The following SHROOM2 variants were observed in gnomAD, a reference collection of about 807,000 sequenced individuals.
SHROOM2 encodes protein Shroom2.
A neutral mutation model predicts 75.9 loss-of-function variants in SHROOM2; 33 were observed. That is an observed-to-expected ratio of 0.43 (90% CI 0.33 to 0.58). The LOEUF is 0.58. Among genes scored for constraint, SHROOM2 ranks in the 20% least tolerant of loss-of-function variants. The pLI is 0.04. For missense variants in SHROOM2, 1,434 were observed against 1,461.2 expected (o/e 0.98, Z 0.30); for synonymous variants, 655 against 663.6 (o/e 0.99, Z 0.20).
Position 9,936,570 on chromosome X carries a change from G to A in SHROOM2, c.3588-564G>A, listed in dbSNP as rs1490588372. ...GGGGGTACAAGGACAGTGTTGGGTG[G>A]GCTGTCCTGCATATGGCACAGGAGG... On this transcript the variant is annotated intron_variant, in intron 6 of 9. Coordinates refer to ENST00000380913, the MANE Select transcript of SHROOM2 (RefSeq NM_001649.4). Among the ~76,000 whole-genome samples, 3 of 111,767 alleles carry A rather than the reference G, an allele frequency of 2.7e-5. No homozygotes were observed. The Admixed American group carries it at 2.8e-4, about 11-fold the overall frequency.
chrX:9,935,334 A>G (rs866479850), intron 6 of SHROOM2, among the ~76,000 whole-genome samples: 2 of 96,873 alleles, frequency 2.1e-5, no homozygotes, highest in African/African-American at 8.6e-5. Context: ...TATTATTATT[A>G]TTTATTATTA....
At chrX:9,936,467 A>C (rs752244945) in intron 6 of SHROOM2, among the ~76,000 whole-genome samples, 1 of 111,829 alleles carries the variant, frequency 8.9e-6, no homozygotes, top group East Asian at 2.8e-4. Context: ...TACAGAACCG[A>C]TGACTCGCTG....
chrX:9,918,387 A>G (rs1401289196), intron 5 of SHROOM2, among the ~76,000 whole-genome samples: 1 of 112,509 alleles, frequency 8.9e-6, no homozygotes, highest in Non-Finnish European at 1.9e-5. Context: ...GTCCAACGTC[A>G]AGGTGCTGGC....
chrX:9,872,009 C>G (rs2084173580), intron 1 of SHROOM2, among the ~76,000 whole-genome samples: 1 of 112,291 alleles, frequency 8.9e-6, no homozygotes, highest in African/African-American at 3.2e-5. Flanking sequence ...TGGTGTAAAA[C>G]AGTTGGCAAA....
chrX:9,935,390 G>C (rs2084693048), intron 6 of SHROOM2, among the ~76,000 whole-genome samples: 1 of 108,931 alleles, frequency 9.2e-6, no homozygotes, highest in Non-Finnish European at 1.9e-5. Flanking sequence ...GTGTTACCTA[G>C]GCTGGTCTCA....
At chrX:9,926,033 C>T (rs1425214596) in intron 5 of SHROOM2, among the ~76,000 whole-genome samples, 1 of 111,820 alleles carries the variant, frequency 8.9e-6, no homozygotes, top group East Asian at 2.8e-4. Context: ...TCTGCCCCAT[C>T]ACAGACTGAC....
chrX:9,927,356 CAAAAAAAA>C (rs56344026), intron 5 of SHROOM2, among the ~76,000 whole-genome samples: 5 of 24,376 alleles, frequency 2.1e-4, no homozygotes, highest in African/African-American at 3.3e-4. Context: ...TCTCTGTCTC[CAAAAAAAA>C]AAAAAAAAAA....
intron 2 of SHROOM2, among the ~76,000 whole-genome samples, chrX:9,879,862 G>A (rs764425094): frequency 8.0e-5 from 9 of 112,258 alleles, no homozygotes; most frequent in Non-Finnish European, 1.7e-4. Context: ...TGAGAAGTTA[G>A]CATTAGCCTT....
chrX:9,837,720 A>T (rs1441418602), intron 1 of SHROOM2, among the ~76,000 whole-genome samples: 1 of 111,357 alleles, frequency 9.0e-6, no homozygotes, highest in Non-Finnish European at 1.9e-5. Flanking sequence ...TGTACTGGGG[A>T]TGTCGCCTCA....
chrX:9,937,716 T>A, intron 7 of SHROOM2, 31 bp downstream of exon 7: 1 of 1,083,458 alleles, frequency 9.2e-7, no homozygotes, highest in Non-Finnish European at 1.2e-6. Flanking sequence ...AGCTTGGGCG[T>A]GACTCTGCCT....
intron 5 of SHROOM2, among the ~76,000 whole-genome samples, chrX:9,926,778 G>A (rs1369138017): frequency 9.1e-6 from 1 of 110,406 alleles, no homozygotes. Context: ...TTACCTTCAG[G>A]CTATCTATAT....
intron 5 of SHROOM2, among the ~76,000 whole-genome samples, chrX:9,928,319 A>C (rs1378538119): frequency 8.9e-6 from 1 of 112,470 alleles, no homozygotes; most frequent in African/African-American, 3.2e-5. Flanking sequence ...ATGAACACCA[A>C]CCAAGGCTGA....
At chrX:9,859,667 G>T (rs1023868908) in intron 1 of SHROOM2, among the ~76,000 whole-genome samples, 1 of 111,807 alleles carries the variant, frequency 8.9e-6, no homozygotes, top group Admixed American at 9.5e-5. Context: ...ACAAAGCTCT[G>T]CAGGCAAGAA....
chrX:9,815,432 TTATGTGTGTGTGTG>T (rs1459323953), intron 1 of SHROOM2, among the ~76,000 whole-genome samples: 3 of 48,382 alleles, frequency 6.2e-5, no homozygotes, highest in African/African-American at 1.5e-4. Flanking sequence ...GATATACATA[TTATGTGTGTGTGTG>T]TGTGTGTGTG....
chrX:9,855,842 G>C (rs1034563492), intron 1 of SHROOM2, among the ~76,000 whole-genome samples: 5 of 111,025 alleles, frequency 4.5e-5, no homozygotes, highest in African/African-American at 1.3e-4. Flanking sequence ...ACTAATTCGG[G>C]TTTTAACTTG....
intron 8 of SHROOM2, among the ~76,000 whole-genome samples, chrX:9,941,059 C>G (rs1267190606): frequency 8.9e-6 from 1 of 112,211 alleles, no homozygotes; most frequent in Non-Finnish European, 1.9e-5. Flanking sequence ...GGACTCTGCC[C>G]AGAAAAGAGG....
Position 9,937,206 on chromosome X carries a change from G to C in SHROOM2, c.3660G>C (p.Gln1220His), listed in dbSNP as rs762734479. The change falls in exon 7 of 10, where the codon CAG (glutamine) becomes CAC (histidine). Residue 1220 changes from glutamine (Q) to histidine (H), a missense_variant. Around this residue, in one of 3 missense-constraint regions of SHROOM2, gnomAD observed 1,340 missense variants for 1,338.3 expected, o/e 1.00. Coordinates refer to ENST00000380913, the MANE Select transcript of SHROOM2 (RefSeq NM_001649.4). ...TCAAGATCGTGCACTCGGAGAGCCA[G>C]CCAGAGAAGGAGAGCCGCCAGAGCC... The part of the protein sequence containing the change: ...VPIKIVHSES[Q>H]PEKESRQSLA... The C allele has an allele frequency of 3.3e-6, 4 of 1,204,180 alleles. No individual in the cohort carries two copies. The African/African-American group carries it at 7.0e-5, about 21-fold the overall frequency.
chrX:9,937,035 G>C, intron 6 of SHROOM2, 99 bp from the exon 7 acceptor site: 1 of 893,443 alleles, frequency 1.1e-6, no homozygotes, highest in South Asian at 2.6e-5. Flanking sequence ...TAGTGCCTTT[G>C]AGTCAGGTTC....
chrX:9,856,766 G>A (rs182530751), intron 1 of SHROOM2, among the ~76,000 whole-genome samples: 1 of 111,842 alleles, frequency 8.9e-6, no homozygotes, highest in African/African-American at 3.2e-5. Flanking sequence ...GCATCCCCAC[G>A]CATCCTGTCT....
Sources: allele counts gnomAD v4.1 joint callset (sites outside exome capture counted in the v4.1 genomes callset), GRCh38; gene constraint gnomAD v4.1.1; regional missense constraint gnomAD v4.1.1; transcripts MANE v1.5; gene names NCBI Gene and HGNC (gene_info 2026-07-23, HGNC 2026-07-21).